The following MOB3B variants were observed in gnomAD, a reference collection of about 807,000 sequenced individuals.
MOB3B encodes MOB kinase activator 3B.
MOB3B carries 7 observed loss-of-function variants against 18.7 expected under a neutral mutation model. The observed-to-expected ratio is 0.37, with a 90% CI of 0.21 to 0.70. MOB3B has a LOEUF of 0.70. Ranked by LOEUF, MOB3B falls within the 30% of genes least tolerant of loss-of-function variation. The pLI is 0.52. For synonymous variants in MOB3B, 111 were observed against 99.9 expected (o/e 1.11, Z -0.66); for missense variants, 253 against 281.3 (o/e 0.90, Z 0.72).
At chr9:27,477,884 C>T (rs892865902) in intron 1 of MOB3B, among the ~76,000 whole-genome samples, 15 of 152,304 alleles carry the variant, frequency 9.8e-5, no homozygotes, top group African/African-American at 3.6e-4. Flanking sequence ...GCCCAAGGCT[C>T]ATGCAAGGTA....
At chr9:27,430,651 C>A (rs1171531781) in intron 2 of MOB3B, among the ~76,000 whole-genome samples, 1 of 151,726 alleles carries the variant, frequency 6.6e-6, no homozygotes, top group Non-Finnish European at 1.5e-5. Flanking sequence ...AAAGTTAAAG[C>A]CAAGGTAAAA....
chr9:27,359,687 G>A (rs1821245969), intron 2 of MOB3B, among the ~76,000 whole-genome samples: 2 of 152,098 alleles, frequency 1.3e-5, no homozygotes, highest in African/African-American at 2.4e-5. Flanking sequence ...TTTCTGAGGT[G>A]GGCAAATTCA....
At chr9:27,472,966 A>T (rs992240243) in intron 1 of MOB3B, among the ~76,000 whole-genome samples, 3 of 152,252 alleles carry the variant, frequency 2.0e-5, no homozygotes, top group Non-Finnish European at 2.9e-5. Flanking sequence ...ACGTCTTTAC[A>T]TAACTGATCA....
intron 2 of MOB3B, among the ~76,000 whole-genome samples, chr9:27,413,426 C>T (rs1822102944): frequency 6.6e-6 from 1 of 151,950 alleles, no homozygotes; most frequent in African/African-American, 2.4e-5. Flanking sequence ...AAAGGGAGGA[C>T]CACTGCACTG....
chr9:27,448,954 G>A (rs1047880197), intron 2 of MOB3B, among the ~76,000 whole-genome samples: 5 of 152,226 alleles, frequency 3.3e-5, no homozygotes, highest in African/African-American at 9.6e-5. Flanking sequence ...TATCCCAGAT[G>A]TGACTAATAG....
intron 2 of MOB3B, among the ~76,000 whole-genome samples, chr9:27,392,937 A>G (rs1467390075): frequency 1.3e-5 from 2 of 152,234 alleles, no homozygotes; most frequent in Non-Finnish European, 2.9e-5. Context: ...TGGATTTACA[A>G]TCTACTAAGA....
At chr9:27,445,080 A>C (rs1381830628) in intron 2 of MOB3B, among the ~76,000 whole-genome samples, 3 of 152,206 alleles carry the variant, frequency 2.0e-5, no homozygotes, top group Non-Finnish European at 4.4e-5. Flanking sequence ...ATAAATGTGC[A>C]AAGGTACTGA....
At chr9:27,466,207 C>T (rs1819381187) in intron 1 of MOB3B, among the ~76,000 whole-genome samples, 1 of 152,174 alleles carries the variant, frequency 6.6e-6, no homozygotes, top group Non-Finnish European at 1.5e-5. Flanking sequence ...CCGCCAGTTA[C>T]CCTAAATCAT....
At chr9:27,469,567 C>A (rs1819439707) in intron 1 of MOB3B, among the ~76,000 whole-genome samples, 1 of 152,164 alleles carries the variant, frequency 6.6e-6, no homozygotes, top group African/African-American at 2.4e-5. Flanking sequence ...GCAGGAAGAA[C>A]TTCTGAACAT....
intron 1 of MOB3B, among the ~76,000 whole-genome samples, chr9:27,475,743 T>C (rs969754071): frequency 3.9e-5 from 6 of 152,216 alleles, no homozygotes; most frequent in African/African-American, 1.2e-4. Context: ...AGTAGTCTAG[T>C]TGCTCTGTCT....
At position 27,326,225 on chromosome 9, in the gene MOB3B, G is replaced by T. The variant is rs1820709468; in HGVS notation, c.*4362C>A. On this transcript the variant is annotated 3_prime_UTR_variant, in exon 4 of 4. Transcript: ENST00000262244. The stretch of plus-strand genomic sequence containing the variant: ...GCCATAACAGAGAGTGATGTGGAGA[G>T]CTTTGGGAAGGTTTCACGTTGAGTT... 2.7e-6 allele frequency: 1 copy of T among 373,290 alleles called. No individual in the cohort carries two copies. The highest frequency in any genetic ancestry group is 2.1e-5 in the African/African-American group (1 of 48,288). The allele number at this position is 373,290 out of a possible 1,614,324, so 23.1% of individuals were successfully genotyped here.
At chr9:27,351,144 C>T (rs1055511399) in intron 3 of MOB3B, among the ~76,000 whole-genome samples, 1 of 152,118 alleles carries the variant, frequency 6.6e-6, no homozygotes, top group African/African-American at 2.4e-5. Context: ...CTCAGGTGAT[C>T]CACCCGCCTA....
At chr9:27,482,558 A>C (rs1819676850) in intron 1 of MOB3B, among the ~76,000 whole-genome samples, 1 of 152,210 alleles carries the variant, frequency 6.6e-6, no homozygotes, top group Non-Finnish European at 1.5e-5. Flanking sequence ...CTATGAGGTA[A>C]GGTCTCAAAT....
At chr9:27,431,740 C>T (rs1233230364) in intron 2 of MOB3B, among the ~76,000 whole-genome samples, 1 of 152,204 alleles carries the variant, frequency 6.6e-6, no homozygotes, top group African/African-American at 2.4e-5. Context: ...AAATGCAAAA[C>T]ACTGGAGGCA....
At chr9:27,490,438 T>C (rs953317046) in intron 1 of MOB3B, among the ~76,000 whole-genome samples, 2 of 152,200 alleles carry the variant, frequency 1.3e-5, no homozygotes, top group African/African-American at 4.8e-5. Flanking sequence ...AAGCAACTAA[T>C]AGTGTTTGAG....
At chr9:27,401,168 C>G (rs759033925) in intron 2 of MOB3B, among the ~76,000 whole-genome samples, 2 of 152,172 alleles carry the variant, frequency 1.3e-5, no homozygotes, top group Non-Finnish European at 2.9e-5. Context: ...ACGCGGTCTG[C>G]CTTCTCTGCC....
chr9:27,506,618 G>A lies in MOB3B; in HGVS notation c.-199+22937C>T, dbSNP rs112153032. Among the ~76,000 whole-genome samples, 468 of 151,106 alleles carry A rather than the reference G, an allele frequency of 3.1e-3. 4 individuals carry two copies. Among genetic ancestry groups the A allele is most frequent in the African/African-American group, 0.011 (452 of 41,116 alleles). On this transcript the variant is annotated intron_variant, in intron 1 of 3. Coordinates refer to ENST00000262244, the MANE Select transcript of MOB3B (RefSeq NM_024761.5). ...TTGATCTCAGCTCACTGCAACTTCC[G>A]CCTCCTGGATTTAAGCAATTCTCTG...
chr9:27,329,177 A>G lies in MOB3B; in HGVS notation c.*1410T>C, dbSNP rs936084284. 3.3e-5 allele frequency: 5 copies of G among 152,232 alleles called. No individual in the cohort carries two copies. Among genetic ancestry groups the G allele is most frequent in the African/African-American group, 9.6e-5 (4 of 41,468 alleles). 9.4% of individuals were successfully genotyped at this position (152,232 alleles called of 1,614,324 possible). A position where few individuals can be genotyped will look rare whatever the true frequency, so the allele number is the denominator to read the frequency against. ...CATTATTACTTTAAAATACACTAAT[A>G]CATTCTTATCTACTTCCCTCCACCG... is the stretch of plus-strand genomic sequence containing the variant. On this transcript the variant is annotated 3_prime_UTR_variant, in exon 4 of 4. Transcript: ENST00000262244.
chr9:27,522,048 G>A (rs1443432954), intron 1 of MOB3B, among the ~76,000 whole-genome samples: 6 of 151,448 alleles, frequency 4.0e-5, no homozygotes, highest in Non-Finnish European at 7.4e-5. Flanking sequence ...CGAGACCGTC[G>A]TCGCCAACAT....
Sources: gnomAD v4.1 joint callset for allele counts (sites outside exome capture counted in the v4.1 genomes callset) on GRCh38, gnomAD v4.1.1 for gene constraint, MANE v1.5 for transcripts, NCBI Gene and HGNC (gene_info 2026-07-23, HGNC 2026-07-21) for gene names.